The following CDH18 variants were observed in gnomAD, a reference collection of about 807,000 sequenced individuals.
CDH18 encodes the protein cadherin 18, also known as cadherin-18.
Under a neutral mutation model 67.9 loss-of-function variants are expected in CDH18, and 31 were observed. The observed-to-expected ratio is 0.46, with a 90% confidence interval of 0.34 to 0.62. The LOEUF (loss-of-function observed/expected upper bound fraction) is 0.62, where lower values mean the gene tolerates loss of function less well. CDH18 is among the 20% of genes least tolerant of loss of function. The pLI is 0.01. For synonymous variants in CDH18, 362 were observed against 347.2 expected (o/e 1.04, Z -0.48); for missense variants, 890 against 975.5 (o/e 0.91, Z 1.17).
chr5:19,574,919 G>C (rs1346576854), intron 7 of CDH18, among the ~76,000 whole-genome samples: 1 of 152,024 alleles, frequency 6.6e-6, no homozygotes, highest in African/African-American at 2.4e-5. Context: ...CACGCCTGTA[G>C]TCCCAGCTAC....
At chr5:20,188,030 T>G (rs1228254625) in intron 2 of CDH18, among the ~76,000 whole-genome samples, 1 of 151,812 alleles carries the variant, frequency 6.6e-6, no homozygotes, top group Non-Finnish European at 1.5e-5. Flanking sequence ...TGCAATAAAA[T>G]AAGAATGCAT....
chr5:19,561,232 A>G (rs1739396993), intron 8 of CDH18, among the ~76,000 whole-genome samples: 1 of 152,180 alleles, frequency 6.6e-6, no homozygotes, highest in African/African-American at 2.4e-5. Flanking sequence ...AGCACAATTC[A>G]TAATTGCAAA....
intron 1 of CDH18, among the ~76,000 whole-genome samples, chr5:20,436,862 T>G (rs1255126243): frequency 6.6e-6 from 1 of 151,294 alleles, no homozygotes; most frequent in Non-Finnish European, 1.5e-5. Flanking sequence ...GTGGTTTTAC[T>G]CCCGCAGCAA....
intron 2 of CDH18, among the ~76,000 whole-genome samples, chr5:20,224,584 T>G (rs1467909972): frequency 6.6e-6 from 1 of 151,840 alleles, no homozygotes. Flanking sequence ...CTGGATAAGC[T>G]CTCATTAATA....
chr5:20,084,511 T>C (rs1027545817), intron 2 of CDH18, among the ~76,000 whole-genome samples: 1 of 152,128 alleles, frequency 6.6e-6, no homozygotes, highest in South Asian at 2.1e-4. Context: ...CCTCTTCTCA[T>C]AGCTCAACTA....
chr5:19,670,618 G>A (rs891727154), intron 5 of CDH18, among the ~76,000 whole-genome samples: 1 of 152,002 alleles, frequency 6.6e-6, no homozygotes, highest in Admixed American at 6.6e-5. Context: ...CTATGGCTGC[G>A]GGTGGAAATG....
chr5:20,440,882 A>G (rs1202114964), intron 1 of CDH18, among the ~76,000 whole-genome samples: 1 of 152,030 alleles, frequency 6.6e-6, no homozygotes, highest in Non-Finnish European at 1.5e-5. Flanking sequence ...AATTGTTAAA[A>G]TAAATGAAGT....
intron 2 of CDH18, among the ~76,000 whole-genome samples, chr5:20,169,653 G>A (rs1334424152): frequency 6.6e-6 from 1 of 151,910 alleles, no homozygotes; most frequent in Non-Finnish European, 1.5e-5. Flanking sequence ...ACAGTTCATG[G>A]CCTCATGCAA....
rs181971998 is a variant in CDH18, at chr5:19,635,014, C to T, written c.644-22413G>A. ...AATTTTTATAGTGGTTTAAAGCTTA[C>T]CAAATTTCCTAACATAACCTTATTT... On this transcript the variant is annotated intron_variant, in intron 5 of 12. Coordinates refer to ENST00000382275, the MANE Select transcript of CDH18 (RefSeq NM_004934.5). Among the ~76,000 whole-genome samples the T allele has an allele frequency of 2.0e-3, 309 of 151,762 alleles. 3 individuals are homozygous for T. The highest frequency in any genetic ancestry group is 8.6e-3 in the Admixed American group (131 of 15,238).
intron 2 of CDH18, among the ~76,000 whole-genome samples, chr5:19,875,661 C>T (rs1456975762): frequency 6.6e-6 from 1 of 151,796 alleles, no homozygotes. Context: ...TTTTTAAACA[C>T]AAGTAATCAA....
At chr5:19,647,255 AC>A (rs1754889669) in intron 5 of CDH18, among the ~76,000 whole-genome samples, 1 of 151,766 alleles carries the variant, frequency 6.6e-6, no homozygotes, top group African/African-American at 2.4e-5. Flanking sequence ...GGGTGCAGTG[AC>A]TCACGCCTAC....
At chr5:20,386,626 T>G (rs1210744601) in intron 1 of CDH18, among the ~76,000 whole-genome samples, 1 of 152,172 alleles carries the variant, frequency 6.6e-6, no homozygotes, top group Non-Finnish European at 1.5e-5. Context: ...CAAGAACTTG[T>G]ATTCAACTTG....
intron 2 of CDH18, among the ~76,000 whole-genome samples, chr5:19,925,543 C>T (rs1379629266): frequency 6.6e-6 from 1 of 152,026 alleles, no homozygotes; most frequent in Non-Finnish European, 1.5e-5. Flanking sequence ...GGCTGGAGTG[C>T]AGTGGCATGA....
chr5:20,459,815 T>C (rs2150221227), intron 1 of CDH18, among the ~76,000 whole-genome samples: 2 of 152,302 alleles, frequency 1.3e-5, no homozygotes, highest in Middle Eastern at 6.8e-3. Context: ...TTTCCTCTTG[T>C]TCCAAGACAC....
intron 2 of CDH18, among the ~76,000 whole-genome samples, chr5:19,870,150 A>G (rs1786085560): frequency 6.6e-6 from 1 of 152,162 alleles, no homozygotes; most frequent in Non-Finnish European, 1.5e-5. Flanking sequence ...GTTGATTCAT[A>G]GCTCTTTTTG....
rs1348627054 is a variant in CDH18 at position 19,652,056 on chromosome 5, T to G, written c.644-39455A>C. On this transcript the variant is annotated intron_variant, in intron 5 of 12. Transcript: ENST00000382275. Reference sequence around the variant, plus strand: ...TTCATGTTACTACTAACATTTTATGTAATTTTTATACAGTTAAGTAGAACA... The same window carrying G: ...TTCATGTTACTACTAACATTTTATGGAATTTTTATACAGTTAAGTAGAACA... 1.4e-4 allele frequency among the ~76,000 whole-genome samples: 22 copies of G among 152,206 alleles called. No homozygotes were observed. The South Asian group carries it at 3.5e-3, about 24-fold the overall frequency.
Position 20,279,152 on chromosome 5 carries a change from A to G in CDH18, c.-579-23647T>C, listed in dbSNP as rs1270111955. 1.3e-5 allele frequency among the ~76,000 whole-genome samples: 2 copies of G among 151,552 alleles called. 1 individual carries two copies. On this transcript the variant is annotated intron_variant, in intron 1 of 14. Transcript: ENST00000507958. ...TGAGACTCAAAGATCTGCTACCTAC[A>G]AAAAAACCACACATTACAAAGACAC...
chr5:19,797,237 AT>A (rs1299602116), intron 3 of CDH18, among the ~76,000 whole-genome samples: 1 of 151,978 alleles, frequency 6.6e-6, no homozygotes, highest in Non-Finnish European at 1.5e-5. Context: ...AGTAGGAATG[AT>A]TGAATTAATA....
intron 2 of CDH18, among the ~76,000 whole-genome samples, chr5:19,950,768 C>G (rs552540990): frequency 6.6e-6 from 1 of 151,934 alleles, no homozygotes; most frequent in Admixed American, 6.6e-5. Context: ...AAATATTTGA[C>G]ATGTAATGTT....
Sources: allele counts gnomAD v4.1 joint callset (sites outside exome capture counted in the v4.1 genomes callset), GRCh38; gene constraint gnomAD v4.1.1; transcripts MANE v1.5; gene names NCBI Gene and HGNC (gene_info 2026-07-23, HGNC 2026-07-21).